The following COPG1 variants were observed in gnomAD, a reference collection of about 807,000 sequenced individuals.
The protein encoded by COPG1 is coatomer subunit gamma-1.
A neutral mutation model predicts 102.8 loss-of-function variants in COPG1; 29 were observed. The observed-to-expected ratio is 0.28, with a 90% confidence interval of 0.21 to 0.38. COPG1 has a LOEUF of 0.38. COPG1 is among the 10% of genes least tolerant of loss of function. The pLI is 1.00. For missense variants in COPG1, 875 were observed against 1,132.7 expected, an observed-to-expected ratio of 0.77 and a Z score of 3.27; for synonymous variants, 406 against 421.6, an observed-to-expected ratio of 0.96 and a Z score of 0.45.
Position 129,257,658 on chromosome 3 carries a change from G to T in COPG1, c.737+31G>T, listed in dbSNP as rs751964881. 1.5e-5 allele frequency: 24 copies of T among 1,613,952 alleles called. No homozygotes were observed. In the African/African-American group the frequency reaches 2.9e-4, roughly 20 times the overall value. ...GGCTCTCATCTCTCACCAGCTAGAT[G>T]ATGCCTCACTCATCCTACCATGCTG... On this transcript the variant is annotated intron_variant, in intron 9 of 23. Coordinates refer to ENST00000314797, the MANE Select transcript of COPG1 (RefSeq NM_016128.4).
intron 15 of COPG1, among the ~76,000 whole-genome samples, chr3:129,267,433 A>G (rs1156522083): frequency 1.3e-5 from 2 of 152,198 alleles, no homozygotes; most frequent in Non-Finnish European, 2.9e-5. Flanking sequence ...CGTCCTGGCT[A>G]ACACGCTGAA....
chr3:129,272,108 C>T, intron 19 of COPG1, 136 bp from the exon 20 acceptor site: 1 of 1,028,830 alleles, frequency 9.7e-7, no homozygotes, highest in South Asian at 1.6e-5. Context: ...AGCATGAAGA[C>T]AGGGAACCTG....
At chr3:129,266,967 CCAAA>C (rs1266065549) in intron 14 of COPG1, 53 bp from the exon 15 acceptor site, 11 of 1,502,514 alleles carry the variant, frequency 7.3e-6, no homozygotes, top group African/African-American at 6.9e-5. Context: ...CTGGAAGTGC[CCAAA>C]CAGTGAGTTG....
In COPG1 at chr3:129,252,885, C is replaced by A; in HGVS notation, c.253C>A (p.Arg85Ser). ...KLFQSNDPTL[R>S]RMCYLTIKEM... ...CCCACCTATCTCCCAGCCCACACTC[C>A]GTCGGATGTGCTACTTGACCATCAA... Residue 85 changes from arginine to serine, a missense_variant, in exon 5 of 24, where the codon CGT becomes AGT. Arg to Ser is a moderately radical substitution (Grantham distance 110). Coordinates refer to ENST00000314797, the MANE Select transcript of COPG1 (RefSeq NM_016128.4). The A allele has an allele frequency of 1.2e-6, 2 of 1,614,124 alleles. No homozygotes were observed. Among genetic ancestry groups the A allele is most frequent in the East Asian group, 2.2e-5 (1 of 44,884 alleles).
chr3:129,277,617 TTTTA>T lies in COPG1; in HGVS notation c.*194_*197del. 1 of 535,938 alleles carries T rather than the reference TTTTA, an allele frequency of 1.9e-6. No homozygotes were observed. The highest frequency in any genetic ancestry group is 3.2e-5 in the Admixed American group (1 of 31,252). The allele number at this position is 535,938 out of a possible 1,614,324, so 33.2% of individuals were successfully genotyped here. A position where few individuals can be genotyped will look rare whatever the true frequency, so the allele number is the denominator to read the frequency against. ...TGCTGGTGACTTTTTTTTTTTTTTT[TTTTA>T]AATAGGGGATGATTTTAGCTTGTCC... On this transcript the variant is annotated 3_prime_UTR_variant, in exon 24 of 24. Coordinates refer to ENST00000314797, the MANE Select transcript of COPG1 (RefSeq NM_016128.4).
intron 1 of COPG1, 116 bp downstream of exon 1, chr3:129,249,862 C>A: frequency 9.1e-7 from 1 of 1,099,848 alleles, no homozygotes; most frequent in Non-Finnish European, 1.3e-6. Flanking sequence ...GGGCTTGTGC[C>A]AGGGTCCACA....
intron 20 of COPG1, 64 bp from the exon 21 acceptor site, chr3:129,272,743 G>C (rs569263205): frequency 9.6e-7 from 1 of 1,038,184 alleles, no homozygotes; most frequent in South Asian, 1.3e-5. Context: ...CTTGTCCCCT[G>C]CAGGAGGAGC....
chr3:129,267,200 G>A, intron 15 of COPG1, 101 bp downstream of exon 15: 1 of 816,950 alleles, frequency 1.2e-6, no homozygotes, highest in Non-Finnish European at 2.0e-6. Context: ...GGAGAGAAAA[G>A]TTATACAGCT....
chr3:129,253,861 G>A (rs1239580345), intron 5 of COPG1, among the ~76,000 whole-genome samples: 4 of 152,004 alleles, frequency 2.6e-5, no homozygotes, highest in African/African-American at 9.7e-5. Context: ...TTAGCCAGGT[G>A]TGGTGGCGCA....
chr3:129,277,735 C>CT lies in COPG1; in HGVS notation c.*311_*312insT. On this transcript the variant is annotated 3_prime_UTR_variant, in exon 24 of 24. Coordinates refer to ENST00000314797, the MANE Select transcript of COPG1 (RefSeq NM_016128.4). ...CTCTTGAATCTATCCCCCAAGAAAC[C>CT]ATCTTATCCCTGTAATAAATCAGCA... 3.5e-6 allele frequency: 1 copy of CT among 282,064 alleles called. No homozygotes were observed. The highest frequency in any genetic ancestry group is 4.6e-5 in the Admixed American group (1 of 21,818). The allele number at this position is 282,064 out of a possible 1,614,324, so 17.5% of individuals were successfully genotyped here. A position where few individuals can be genotyped will look rare whatever the true frequency, so the allele number is the denominator to read the frequency against.
chr3:129,268,352 T>C (rs1940110880), intron 16 of COPG1, 143 bp from the exon 17 acceptor site: 1 of 776,898 alleles, frequency 1.3e-6, no homozygotes, highest in Non-Finnish European at 2.0e-6. Context: ...TGTCTGAGAA[T>C]GCAGAGGCTT....
chr3:129,266,651 A>G (rs1940066887), intron 14 of COPG1, among the ~76,000 whole-genome samples: 2 of 151,864 alleles, frequency 1.3e-5, no homozygotes, highest in Non-Finnish European at 2.9e-5. Flanking sequence ...TCCCTTTCTC[A>G]TTTTTATTAT....
chr3:129,253,210 C>T (rs1441619494), intron 5 of COPG1: 5 of 422,170 alleles, frequency 1.2e-5, no homozygotes, highest in Non-Finnish European at 2.2e-5. Context: ...TTAGAACTTT[C>T]CCAAAGACTT....
chr3:129,274,046 G>A (rs990539282), intron 21 of COPG1: 5 of 456,040 alleles, frequency 1.1e-5, no homozygotes, highest in Admixed American at 7.1e-5. Flanking sequence ...ACTGACATTC[G>A]CCATTGTGTC....
At chr3:129,260,257 C>T in intron 10 of COPG1, 76 bp from the exon 11 acceptor site, 2 of 1,360,624 alleles carry the variant, frequency 1.5e-6, no homozygotes, top group Non-Finnish European at 1.0e-6. Flanking sequence ...GGGTTTGAGT[C>T]AGAACAGTAG....
chr3:129,260,530 C>T, intron 11 of COPG1, 89 bp from the exon 12 acceptor site: 1 of 1,518,586 alleles, frequency 6.6e-7, no homozygotes, highest in Non-Finnish European at 9.1e-7. Flanking sequence ...GAGATGATCT[C>T]ATCCAAAGGA....
intron 12 of COPG1, among the ~76,000 whole-genome samples, chr3:129,263,026 A>G (rs1443067403): frequency 6.9e-6 from 1 of 144,796 alleles, no homozygotes; most frequent in Non-Finnish European, 1.5e-5. Flanking sequence ...AAAAAAAAAA[A>G]AAAAAAAAAG....
intron 23 of COPG1, 134 bp from the exon 24 acceptor site, chr3:129,277,160 G>A: frequency 1.2e-6 from 1 of 865,848 alleles, no homozygotes; most frequent in South Asian, 1.6e-5. Flanking sequence ...CCTCACTCAG[G>A]GATTTCAGCC....
chr3:129,277,587 C>A lies in COPG1; in HGVS notation c.*163C>A. On this transcript the variant is annotated 3_prime_UTR_variant, in exon 24 of 24. Transcript: ENST00000314797. ...TTCTGCTCCCACCTCCCACCCGGGA[C>A]TACTTGCTGGTGACTTTTTTTTTTT... 42 of 517,012 alleles carry A rather than the reference C, an allele frequency of 8.1e-5. No homozygotes were observed. The highest frequency in any genetic ancestry group is 1.5e-4 in the East Asian group (4 of 27,042). 32.0% of individuals were successfully genotyped at this position (517,012 alleles called of 1,614,324 possible).
Sources: gnomAD v4.1 joint callset for allele counts (sites outside exome capture counted in the v4.1 genomes callset) on GRCh38, gnomAD v4.1.1 for gene constraint, MANE v1.5 for transcripts, NCBI Gene and HGNC (gene_info 2026-07-23, HGNC 2026-07-21) for gene names.